Variants in ING5 observed in about 807,000 individuals in gnomAD.
ING5 encodes inhibitor of growth family member 5.
ING5 carries 17 observed loss-of-function variants against 37.4 expected under a neutral mutation model. The ratio of observed to expected loss-of-function variants is 0.45; its 90% CI spans 0.31 to 0.68. ING5 has a LOEUF of 0.68. Ranked by LOEUF, ING5 falls within the 30% of genes least tolerant of loss-of-function variation. The probability of loss-of-function intolerance (pLI) is 0.05; values close to 1 mark genes in which losing one functional copy is unlikely to be tolerated. For missense variants in ING5, 233 were observed against 311.9 expected, an observed-to-expected ratio of 0.75 and a Z score of 1.91; for synonymous variants, 123 against 116.6, an observed-to-expected ratio of 1.06 and a Z score of -0.36.
chr2:241,696,805 T>C (rs902956950), intron 2 of ING5, among the ~76,000 whole-genome samples: 6 of 151,908 alleles, frequency 3.9e-5, no homozygotes, highest in Non-Finnish European at 8.8e-5. Flanking sequence ...TAACCAAGGC[T>C]GGGTGTGGTG....
At chr2:241,702,839 G>A (rs1005930710) in intron 1 of ING5, among the ~76,000 whole-genome samples, 1 of 152,254 alleles carries the variant, frequency 6.6e-6, no homozygotes, top group Admixed American at 6.5e-5. Context: ...GACCCCACGC[G>A]GGACCCCTGA....
rs1256765166 is a variant in ING5, at chr2:241,718,419, CT to C, written c.483-4503del. ...TTCCTTCCTTCTTTTCTCTTTCTGT[CT>C]TTTTTTTTTTTTTTTTGAGACGGTC... On this transcript the variant is annotated intron_variant, in intron 5 of 7. Coordinates refer to ENST00000313552, the MANE Select transcript of ING5 (RefSeq NM_032329.6). Among the ~76,000 whole-genome samples, 542 of 85,814 alleles carry C rather than the reference CT, an allele frequency of 6.3e-3. 4 individuals are homozygous for C. The highest frequency in any genetic ancestry group is 0.031 in the Admixed American group (210 of 6,742). 56.3% of individuals were successfully genotyped at this position (85,814 alleles called of 152,430 possible).
chr2:241,700,414 C>T (rs2069698352), upstream of ING5, among the ~76,000 whole-genome samples: 1 of 151,798 alleles, frequency 6.6e-6, no homozygotes, highest in Non-Finnish European at 1.5e-5. Context: ...GCCTTGGCCT[C>T]CCAAAGTGCT....
At chr2:241,718,172 C>T (rs2070325601) in intron 5 of ING5, among the ~76,000 whole-genome samples, 1 of 152,090 alleles carries the variant, frequency 6.6e-6, no homozygotes, top group Non-Finnish European at 1.5e-5. Flanking sequence ...GTCACCACAC[C>T]CGGCTAAGTT....
chr2:241,701,963 A>G, upstream of ING5: 2 of 748,940 alleles, frequency 2.7e-6, no homozygotes, highest in Non-Finnish European at 3.6e-6. Context: ...GCGACCAATC[A>G]GCGCGCGCGA....
chr2:241,711,718 T>C (rs1487221710), intron 4 of ING5: 8 of 564,098 alleles, frequency 1.4e-5, no homozygotes, highest in Admixed American at 1.4e-4. Flanking sequence ...CTGGGCAACA[T>C]AGCGAGACCT....
intron 5 of ING5, among the ~76,000 whole-genome samples, chr2:241,718,893 A>T (rs1308865043): frequency 6.6e-6 from 1 of 152,240 alleles, no homozygotes; most frequent in African/African-American, 2.4e-5. Flanking sequence ...TTAAAAAAAC[A>T]TAATCAGTCC....
intron 5 of ING5, chr2:241,720,626 C>T: frequency 1.0e-6 from 1 of 985,828 alleles, no homozygotes; most frequent in Non-Finnish European, 1.2e-6. Flanking sequence ...CTGCTAGGAG[C>T]CACGTGGAGT....
chr2:241,719,043 C>T (rs1432603379), intron 5 of ING5, among the ~76,000 whole-genome samples: 3 of 152,234 alleles, frequency 2.0e-5, no homozygotes, highest in Non-Finnish European at 2.9e-5. Context: ...GGCTGGGGGC[C>T]TGGGGCGGGG....
At chr2:241,692,517 G>C (rs1456801419) in intron 2 of ING5, among the ~76,000 whole-genome samples, 6 of 151,216 alleles carry the variant, frequency 4.0e-5, no homozygotes, top group Admixed American at 2.0e-4. Context: ...GCCCAGGCTG[G>C]TCTTGAACTG....
intron 5 of ING5, chr2:241,719,906 G>A (rs555282976): frequency 1.6e-5 from 21 of 1,321,756 alleles, no homozygotes; most frequent in South Asian, 1.5e-4. Context: ...CACCGATGGC[G>A]ACAGTTGCGG....
Position 241,723,286 on chromosome 2 carries a change from G to C in ING5, c.680+15G>C. ...AAAGGAAAATGGTGAGTGTGGGGAC[G>C]CTCGCTCTGTTTTCTCCCAGTCTGC... On this transcript the variant is annotated intron_variant, in intron 7 of 7. Coordinates refer to ENST00000313552, the MANE Select transcript of ING5 (RefSeq NM_032329.6). The C allele has an allele frequency of 2.5e-6, 4 of 1,612,642 alleles. No homozygotes were observed. Among genetic ancestry groups the C allele is most frequent in the Non-Finnish European group, 3.4e-6 (4 of 1,178,610 alleles).
chr2:241,712,053 A>T lies in ING5; in HGVS notation c.464A>T (p.Lys155Ile). The change falls in exon 5 of 8, where the codon AAA becomes ATA. Residue 155 changes from lysine (K) to isoleucine (I), a missense_variant. By Grantham distance (102) the Lys-to-Ile change is moderately radical. Around this residue, in one of 4 missense-constraint regions of ING5, gnomAD observed 76 missense variants for 68.2 expected, o/e 1.11. Transcript: ENST00000313552. ...RRTSEEDTPKKKKHKGGSEFT... is the reference protein window; with the variant it reads ...RRTSEEDTPKIKKHKGGSEFT... ...ACATCAGAGGAAGACACACCAAAGA[A>T]AAAGAAGCACAAAGGAGGGTAAGAG... 6.2e-7 allele frequency: 1 copy of T among 1,611,410 alleles called. No individual in the cohort carries two copies. Among genetic ancestry groups the T allele is most frequent in the Non-Finnish European group, 8.5e-7 (1 of 1,178,824 alleles).
intron 3 of ING5, 21 bp downstream of exon 3, chr2:241,709,403 A>C: frequency 2.5e-6 from 4 of 1,603,070 alleles, no homozygotes; most frequent in Non-Finnish European, 2.6e-6. Context: ...GGCGGGGGCC[A>C]TGGCTCTTCC....
At chr2:241,702,277 GGC>G in intron 1 of ING5, among the ~76,000 whole-genome samples, 175 bp downstream of exon 1, 1 of 147,768 alleles carries the variant, frequency 6.8e-6, no homozygotes, top group East Asian at 2.0e-4. Flanking sequence ...GGGAGGGGAG[GGC>G]GCGGGGGGCG....
intron 5 of ING5, chr2:241,719,653 T>G (rs1480061170): frequency 6.5e-7 from 1 of 1,535,174 alleles, no homozygotes; most frequent in Admixed American, 2.0e-5. Flanking sequence ...GGGGTCCTCG[T>G]GGGGGTGAAG....
intron 5 of ING5, among the ~76,000 whole-genome samples, chr2:241,712,869 A>G (rs2070151776): frequency 6.6e-6 from 1 of 152,058 alleles, no homozygotes; most frequent in Admixed American, 6.6e-5. Flanking sequence ...TCTACAAAAA[A>G]TAGAAAAAAT....
At chr2:241,701,232 G>A (rs377433619), upstream of ING5, among the ~76,000 whole-genome samples, 2 of 152,286 alleles carry the variant, frequency 1.3e-5, no homozygotes, top group South Asian at 2.1e-4. Flanking sequence ...CCAAAGTGAT[G>A]GGATTACAGG....
At chr2:241,709,403 A>G (rs2124905847) in intron 3 of ING5, 21 bp downstream of exon 3, 7 of 1,603,070 alleles carry the variant, frequency 4.4e-6, no homozygotes, top group Middle Eastern at 1.7e-4. Flanking sequence ...GGCGGGGGCC[A>G]TGGCTCTTCC....
Sources: allele counts gnomAD v4.1 joint callset (sites outside exome capture counted in the v4.1 genomes callset), GRCh38; gene constraint gnomAD v4.1.1; regional missense constraint gnomAD v4.1.1; transcripts MANE v1.5; gene names NCBI Gene and HGNC (gene_info 2026-07-23, HGNC 2026-07-21).